Variants in DIAPH2 observed in about 807,000 individuals in gnomAD.
DIAPH2 encodes diaphanous related formin 2.
In DIAPH2, 35 loss-of-function variants were observed where a neutral mutation model predicts 92.7. The ratio of observed to expected loss-of-function variants is 0.38; its 90% CI spans 0.29 to 0.50. DIAPH2 has a LOEUF of 0.50. Ranked by LOEUF, DIAPH2 falls within the 20% of genes least tolerant of loss-of-function variation. DIAPH2 has a pLI of 0.94. For missense variants in DIAPH2, 701 were observed against 819.5 expected (o/e 0.86, Z 1.77); for synonymous variants, 301 against 280.4 (o/e 1.07, Z -0.73).
At chrX:96,976,383 A>G (rs1391704793) in intron 17 of DIAPH2, among the ~76,000 whole-genome samples, 2 of 110,794 alleles carry the variant, frequency 1.8e-5, no homozygotes, top group Non-Finnish European at 3.8e-5. Context: ...CGGCCTCCCA[A>G]AGTGCTAGGA....
At chrX:96,710,180 A>G (rs751200891) in intron 1 of DIAPH2, among the ~76,000 whole-genome samples, 7 of 111,555 alleles carry the variant, frequency 6.3e-5, no homozygotes, top group South Asian at 7.6e-4. Flanking sequence ...GCTAAGTATT[A>G]TTTAGAAGTG....
At chrX:97,589,407 TATA>T (rs1316362013) in intron 26 of DIAPH2, among the ~76,000 whole-genome samples, 1 of 108,018 alleles carries the variant, frequency 9.3e-6, no homozygotes, top group Non-Finnish European at 1.9e-5. Flanking sequence ...CTTTAAAAAT[TATA>T]ATATTATAAA....
chrX:97,579,499 A>C (rs1384770253), intron 26 of DIAPH2, among the ~76,000 whole-genome samples: 2 of 110,956 alleles, frequency 1.8e-5, no homozygotes. Context: ...GTTATTTCTG[A>C]GGGCTCTGTT....
chrX:97,545,182 G>T (rs1227004886), intron 26 of DIAPH2, among the ~76,000 whole-genome samples: 1 of 110,747 alleles, frequency 9.0e-6, no homozygotes, highest in Non-Finnish European at 1.9e-5. Context: ...ACTCTTCAAG[G>T]CTCGTTTCAA....
At chrX:97,417,974 A>G (rs2069966747) in intron 25 of DIAPH2, among the ~76,000 whole-genome samples, 1 of 111,913 alleles carries the variant, frequency 8.9e-6, no homozygotes, top group South Asian at 3.8e-4. Flanking sequence ...GGATACCATG[A>G]CAATTAACTG....
At chrX:97,059,765 T>G (rs1416960396) in intron 17 of DIAPH2, among the ~76,000 whole-genome samples, 4 of 111,826 alleles carry the variant, frequency 3.6e-5, no homozygotes, top group African/African-American at 1.3e-4. Context: ...ATTCTTGTCA[T>G]CTTCATGTTG....
At chrX:97,177,839 T>G (rs2067505289) in intron 22 of DIAPH2, among the ~76,000 whole-genome samples, 1 of 111,007 alleles carries the variant, frequency 9.0e-6, no homozygotes, top group Admixed American at 9.7e-5. Context: ...GCACACTCTG[T>G]GCTCTAGTTT....
At chrX:97,020,950 A>G (rs1429833614) in intron 17 of DIAPH2, among the ~76,000 whole-genome samples, 1 of 112,155 alleles carries the variant, frequency 8.9e-6, no homozygotes, top group Non-Finnish European at 1.9e-5. Context: ...TGGTGTTTGT[A>G]GTAGCAAGGT....
chrX:97,049,891 A>G (rs2066508062), intron 17 of DIAPH2, among the ~76,000 whole-genome samples: 2 of 111,242 alleles, frequency 1.8e-5, no homozygotes, highest in African/African-American at 6.5e-5. Context: ...CACTTACTAT[A>G]TATGCAAGCA....
chrX:97,171,757 A>G (rs779070246), intron 22 of DIAPH2, among the ~76,000 whole-genome samples: 55 of 111,327 alleles, frequency 4.9e-4, no homozygotes, highest in African/African-American at 1.7e-3. Flanking sequence ...TGGCTAACAC[A>G]GTGAAACCCC....
At chrX:96,730,519 G>C (rs2064047507) in intron 1 of DIAPH2, among the ~76,000 whole-genome samples, 1 of 111,585 alleles carries the variant, frequency 9.0e-6, no homozygotes, top group Non-Finnish European at 1.9e-5. Context: ...TATCTGAATA[G>C]GGATTGGGCA....
At chrX:97,274,017 GT>G (rs2068414238) in intron 23 of DIAPH2, among the ~76,000 whole-genome samples, 1 of 103,259 alleles carries the variant, frequency 9.7e-6, no homozygotes, top group East Asian at 3.0e-4. Flanking sequence ...GTGTGTGTGT[GT>G]GTGTGTGTGT....
intron 22 of DIAPH2, among the ~76,000 whole-genome samples, chrX:97,220,816 G>A (rs1377642625): frequency 8.9e-6 from 1 of 111,824 alleles, no homozygotes; most frequent in African/African-American, 3.2e-5. Flanking sequence ...ATTGTCTAAC[G>A]GCTGCTTAAA....
At position 96,782,545 on chromosome X, in the gene DIAPH2, C is replaced by T. The variant is rs189864189; in HGVS notation, c.447+24287C>T. Among the ~76,000 whole-genome samples the T allele has an allele frequency of 7.3e-3, 810 of 111,269 alleles. 6 individuals are homozygous for T. The highest frequency in any genetic ancestry group is 0.025 in the African/African-American group (780 of 30,644). On this transcript the variant is annotated intron_variant, in intron 4 of 26. Coordinates refer to ENST00000324765, the MANE Select transcript of DIAPH2 (RefSeq NM_006729.5). Reference sequence around the variant, plus strand: ...TGATCTCCTGACCTCGTGATCCGCCCGCCTCGGCCTCCCAAAGTGCTGGGA... The same window carrying T: ...TGATCTCCTGACCTCGTGATCCGCCTGCCTCGGCCTCCCAAAGTGCTGGGA...
At chrX:96,962,565 T>G (rs939758118) in intron 16 of DIAPH2, among the ~76,000 whole-genome samples, 3 of 96,728 alleles carry the variant, frequency 3.1e-5, no homozygotes, top group Non-Finnish European at 6.1e-5. Context: ...TAACATCTGT[T>G]TGATCTGATA....
chrX:97,015,899 T>C (rs2066257192), intron 17 of DIAPH2, among the ~76,000 whole-genome samples: 1 of 110,420 alleles, frequency 9.1e-6, no homozygotes, highest in South Asian at 3.9e-4. Flanking sequence ...TACACTAACC[T>C]ATATATTGAT....
chrX:97,197,329 T>C (rs1360578922), intron 22 of DIAPH2, among the ~76,000 whole-genome samples: 1 of 112,076 alleles, frequency 8.9e-6, no homozygotes, highest in Non-Finnish European at 1.9e-5. Context: ...TGTACATTCA[T>C]GTACATAAGT....
At chrX:96,793,517 T>A in intron 4 of DIAPH2, 12 of 328,675 alleles carry the variant, frequency 3.7e-5, no homozygotes, top group South Asian at 3.4e-4. Flanking sequence ...AGTAGGGGCC[T>A]TCGATCTGGA....
chrX:97,408,786 G>A (rs1167720992), intron 25 of DIAPH2, among the ~76,000 whole-genome samples: 2 of 111,705 alleles, frequency 1.8e-5, no homozygotes, highest in African/African-American at 6.5e-5. Context: ...TAGAATTTAT[G>A]TGTATCTTTT....
Sources: allele counts gnomAD v4.1 joint callset (sites outside exome capture counted in the v4.1 genomes callset), GRCh38; gene constraint gnomAD v4.1.1; transcripts MANE v1.5; gene names NCBI Gene and HGNC (gene_info 2026-07-23, HGNC 2026-07-21).